The following GPHN variants were observed in gnomAD, a reference collection of about 807,000 sequenced individuals.
The protein encoded by GPHN is gephyrin.
A neutral mutation model predicts 95.5 loss-of-function variants in GPHN; 17 were observed. The observed-to-expected ratio is 0.18, with a 90% CI of 0.12 to 0.27. GPHN has a LOEUF of 0.27. Ranked by LOEUF, GPHN falls within the 10% of genes least tolerant of loss-of-function variation. The pLI is 1.00. For missense variants in GPHN, 660 were observed against 978.1 expected (o/e 0.67, Z 4.34); for synonymous variants, 320 against 322.5 (o/e 0.99, Z 0.08).
the GPHN span, among the ~76,000 whole-genome samples, chr14:67,361,512 C>T: frequency 6.6e-6 from 1 of 152,208 alleles, no homozygotes; most frequent in South Asian, 2.1e-4. Context: ...ATTCCTAATA[C>T]GTGTTAGATC....
At chr14:66,897,102 A>G (rs2064893061) in intron 5 of GPHN, among the ~76,000 whole-genome samples, 1 of 152,178 alleles carries the variant, frequency 6.6e-6, no homozygotes, top group Non-Finnish European at 1.5e-5. Context: ...AGTATAAGGA[A>G]TGATCCAGAG....
the GPHN span, among the ~76,000 whole-genome samples, chr14:67,418,274 C>A: frequency 6.6e-6 from 1 of 152,162 alleles, no homozygotes; most frequent in South Asian, 2.1e-4. Flanking sequence ...AAAATCCAGG[C>A]CTGTCCAGGT....
chr14:67,113,998 G>A (rs1325770188), intron 16 of GPHN, among the ~76,000 whole-genome samples: 1 of 152,056 alleles, frequency 6.6e-6, no homozygotes, highest in Non-Finnish European at 1.5e-5. Context: ...AAATCTCTTT[G>A]TTCTGAAAAT....
intron 1 of GPHN, among the ~76,000 whole-genome samples, chr14:66,545,073 C>T (rs184699878): frequency 0.055 from 8,305 of 152,308 alleles, 311 homozygotes; most frequent in Middle Eastern, 0.099. Flanking sequence ...CATCATGGCC[C>T]GTTCTCAATG....
At chr14:66,913,391 G>A (rs2065763953) in intron 5 of GPHN, among the ~76,000 whole-genome samples, 1 of 152,022 alleles carries the variant, frequency 6.6e-6, no homozygotes, top group South Asian at 2.1e-4. Flanking sequence ...ACCCAGGCTG[G>A]AGTGCAATGG....
the GPHN span, chr14:67,473,382 T>C: frequency 6.2e-7 from 1 of 1,601,994 alleles, no homozygotes; most frequent in Non-Finnish European, 8.5e-7. The surrounding 1 kb of genome is among the most constrained non-coding windows in gnomAD (Gnocchi z 6.5). Flanking sequence ...GTCCATGAGT[T>C]CCATGAGAGA....
the GPHN span, chr14:67,729,666 TGC>T: frequency 1.7e-6 from 1 of 592,226 alleles, no homozygotes; most frequent in Non-Finnish European, 3.1e-6. Flanking sequence ...CTGTTGGTTA[TGC>T]CATGGAGATC....
intron 1 of GPHN, among the ~76,000 whole-genome samples, chr14:66,521,760 G>T (rs1383571173): frequency 6.6e-6 from 1 of 152,108 alleles, no homozygotes; most frequent in African/African-American, 2.4e-5. Context: ...CCATCACAGG[G>T]TGGGGTGGGA....
At chr14:66,681,584 G>C (rs1299875075) in intron 2 of GPHN, among the ~76,000 whole-genome samples, 1 of 151,988 alleles carries the variant, frequency 6.6e-6, no homozygotes, top group Non-Finnish European at 1.5e-5. Context: ...GTAGTTATTT[G>C]TTATAACAAT....
chr14:66,728,245 G>A (rs933012631), intron 2 of GPHN, among the ~76,000 whole-genome samples: 1 of 152,098 alleles, frequency 6.6e-6, no homozygotes, highest in African/African-American at 2.4e-5. Flanking sequence ...TTGCTGCAGG[G>A]GTGGGGCTCT....
At chr14:67,537,698 T>C in the GPHN span, among the ~76,000 whole-genome samples, 20 of 152,168 alleles carry the variant, frequency 1.3e-4, no homozygotes, top group Admixed American at 2.0e-4. Flanking sequence ...TCTTAGCATT[T>C]TGTCAGTTTC....
chr14:66,821,080 C>T (rs2061172702), intron 3 of GPHN, among the ~76,000 whole-genome samples: 1 of 152,144 alleles, frequency 6.6e-6, no homozygotes, highest in Admixed American at 6.6e-5. Context: ...TCAATGACCT[C>T]TTATTTGGTA....
chr14:66,726,771 G>C (rs1032251672), intron 2 of GPHN, among the ~76,000 whole-genome samples: 3 of 152,122 alleles, frequency 2.0e-5, no homozygotes, highest in African/African-American at 7.2e-5. Flanking sequence ...TCTAAAATCT[G>C]AAATTTTTGA....
chr14:67,308,546 CTTTTTTTTTTT>C, the GPHN span, among the ~76,000 whole-genome samples: 301 of 131,816 alleles, frequency 2.3e-3, 1 homozygote, highest in African/African-American at 8.0e-3. Flanking sequence ...TTTTCTTTTT[CTTTTTTTTTTT>C]TTTTTGGAGA....
At chr14:66,651,515 G>A (rs953563062) in intron 1 of GPHN, among the ~76,000 whole-genome samples, 1 of 152,136 alleles carries the variant, frequency 6.6e-6, no homozygotes, top group African/African-American at 2.4e-5. Context: ...CCCCCGAACT[G>A]GAAGGAATGG....
At chr14:66,884,232 T>C (rs1198229438) in intron 5 of GPHN, among the ~76,000 whole-genome samples, 5 of 152,188 alleles carry the variant, frequency 3.3e-5, no homozygotes, top group Admixed American at 2.6e-4. Context: ...GTATTGCAGC[T>C]CCACAATTAG....
the GPHN span, among the ~76,000 whole-genome samples, chr14:67,621,908 C>T: frequency 4.0e-5 from 6 of 151,760 alleles, no homozygotes; most frequent in South Asian, 2.1e-4. Flanking sequence ...ACCAGCCTGA[C>T]CAATATGGCG....
At chr14:67,522,127 C>G in the GPHN span, among the ~76,000 whole-genome samples, 1 of 152,118 alleles carries the variant, frequency 6.6e-6, no homozygotes, top group Admixed American at 6.5e-5. Flanking sequence ...GAGCTGAGAT[C>G]GTGCCACTGC....
the GPHN span, among the ~76,000 whole-genome samples, chr14:67,642,630 G>A: frequency 1.3e-5 from 2 of 152,014 alleles, no homozygotes; most frequent in Middle Eastern, 3.2e-3. Context: ...AAGGTTCCTA[G>A]GCACTGTGTT....
Sources: gnomAD v4.1 joint callset for allele counts (sites outside exome capture counted in the v4.1 genomes callset) on GRCh38, gnomAD v4.1.1 for gene constraint, Gnocchi (gnomAD v3.1) non-coding constraint, MANE v1.5 for transcripts, NCBI Gene and HGNC (gene_info 2026-07-23, HGNC 2026-07-21) for gene names.